EML1: variants seen among roughly 807,000 people sequenced by gnomAD.
EML1 encodes the protein EMAP like 1, also known as echinoderm microtubule-associated protein-like 1.
A neutral mutation model predicts 110.4 loss-of-function variants in EML1; 27 were observed. The observed-to-expected ratio is 0.24, with a 90% CI of 0.18 to 0.34. The LOEUF (loss-of-function observed/expected upper bound fraction) is 0.34, where lower values mean the gene tolerates loss of function less well. EML1 is among the 10% of genes least tolerant of loss of function. The probability of loss-of-function intolerance (pLI) is 1.00; values close to 1 mark genes in which losing one functional copy is unlikely to be tolerated. For synonymous variants in EML1, 344 were observed against 385.8 expected (o/e 0.89, Z 1.27); for missense variants, 741 against 1,030.9 (o/e 0.72, Z 3.85).
chr14:99,903,038 A>G (rs1389075828), intron 9 of EML1, among the ~76,000 whole-genome samples: 3 of 152,258 alleles, frequency 2.0e-5, no homozygotes, highest in Non-Finnish European at 4.4e-5. Flanking sequence ...CTATATTGCC[A>G]TAAATTAAGA....
intron 9 of EML1, chr14:99,907,399 T>G: frequency 2.2e-6 from 1 of 463,606 alleles, no homozygotes; most frequent in Non-Finnish European, 3.8e-6. Context: ...GCCTGGGAGG[T>G]CAAGGGTGCA....
intron 17 of EML1, among the ~76,000 whole-genome samples, chr14:99,923,506 C>T (rs2060166047): frequency 1.8e-5 from 1 of 54,358 alleles, no homozygotes; most frequent in Non-Finnish European, 2.9e-5. Context: ...GTTTGCTCTG[C>T]ATAGAGGTAT....
intron 1 of EML1, among the ~76,000 whole-genome samples, chr14:99,754,777 G>A (rs552933234): frequency 2.0e-5 from 3 of 152,148 alleles, no homozygotes; most frequent in Non-Finnish European, 4.4e-5. Flanking sequence ...TATAACGTGG[G>A]ATGAGGACTA....
chr14:99,773,017 A>G (rs1372826845), exon 1 of EML1: 1 of 152,158 alleles, frequency 6.6e-6, no homozygotes, highest in Non-Finnish European at 1.5e-5. Context: ...ATCCCCACAG[A>G]TAGGTTCCTA....
At chr14:99,812,254 A>T (rs1271572790) in intron 1 of EML1, among the ~76,000 whole-genome samples, 3 of 151,784 alleles carry the variant, frequency 2.0e-5, no homozygotes, top group African/African-American at 7.2e-5. Context: ...GGGAGGCCTG[A>T]CTGTGCATGC....
chr14:99,936,211 G>C lies in EML1; in HGVS notation c.2008-36G>C, dbSNP rs748530856. 2 of 1,613,044 alleles carry C rather than the reference G, an allele frequency of 1.2e-6. No individual in the cohort carries two copies. The highest frequency in any genetic ancestry group is 1.7e-6 in the Non-Finnish European group (2 of 1,179,074). Reference sequence around the variant, plus strand: ...GAACAGTGTTGGCAGGGACTTCTAAGGCCAATGAAATGAAGACAGTGTTTT... The same window carrying C: ...GAACAGTGTTGGCAGGGACTTCTAACGCCAATGAAATGAAGACAGTGTTTT... On this transcript the variant is annotated intron_variant, in intron 18 of 21. Coordinates refer to ENST00000262233, the MANE Select transcript of EML1 (RefSeq NM_004434.3). This position sits in a 1 kb window ranked among gnomAD's most constrained non-coding sequence, Gnocchi z 5.5.
Position 99,907,750 on chromosome 14 carries a change from T to G in EML1, c.1104+17T>G. On this transcript the variant is annotated intron_variant, in intron 10 of 21. Coordinates refer to ENST00000262233, the MANE Select transcript of EML1 (RefSeq NM_004434.3). The stretch of plus-strand genomic sequence containing the variant: ...GATGTGAAGGTCATGCTCCAAGCCT[T>G]TTTTGGGCTGCATTAACATTTTCCC... 1 of 1,613,082 alleles carries G rather than the reference T, an allele frequency of 6.2e-7. No homozygotes were observed. The highest frequency in any genetic ancestry group is 8.5e-7 in the Non-Finnish European group (1 of 1,179,438).
chr14:99,889,380 A>G (rs901154814), intron 4 of EML1, among the ~76,000 whole-genome samples: 1 of 152,176 alleles, frequency 6.6e-6, no homozygotes, highest in Non-Finnish European at 1.5e-5. Context: ...TCCAGGCCTC[A>G]CACCAGGGCA....
chr14:99,785,017 G>A (rs2057583288), intron 1 of EML1, among the ~76,000 whole-genome samples: 3 of 152,172 alleles, frequency 2.0e-5, no homozygotes, highest in Admixed American at 2.0e-4. Flanking sequence ...AGTCTGCATG[G>A]TTAGGACTTC....
At chr14:99,797,307 C>A (rs1165447926) in intron 1 of EML1, among the ~76,000 whole-genome samples, 1 of 152,180 alleles carries the variant, frequency 6.6e-6, no homozygotes, top group East Asian at 1.9e-4. Context: ...AAATTATATT[C>A]CCTTGTGGAG....
intron 1 of EML1, among the ~76,000 whole-genome samples, chr14:99,846,775 C>G (rs1373106633): frequency 6.6e-6 from 1 of 152,160 alleles, no homozygotes; most frequent in Non-Finnish European, 1.5e-5. Flanking sequence ...AGTGAATCAT[C>G]TTTTATCCCT....
At position 99,904,639 on chromosome 14, in the gene EML1, A is replaced by G. The variant is rs571283861; in HGVS notation, c.1009-2999A>G. Among the ~76,000 whole-genome samples the G allele has an allele frequency of 3.9e-5, 6 of 152,328 alleles. No individual in the cohort carries two copies. The South Asian group carries it at 1.0e-3, about 26-fold the overall frequency. On this transcript the variant is annotated intron_variant, in intron 9 of 21. Transcript: ENST00000262233. ...TAAATACACAGACAGAAAATAAAGGACTCATTCCCTAAGCCAGGAATTGAA... is the reference window on the plus strand; with the variant it reads ...TAAATACACAGACAGAAAATAAAGGGCTCATTCCCTAAGCCAGGAATTGAA...
intron 10 of EML1, among the ~76,000 whole-genome samples, chr14:99,909,012 C>G (rs774257816): frequency 3.9e-5 from 6 of 152,222 alleles, no homozygotes; most frequent in Non-Finnish European, 5.9e-5. Context: ...TGAAGTCCCT[C>G]TGGTCCCAAC....
intron 2 of EML1, among the ~76,000 whole-genome samples, chr14:99,854,512 G>T (rs374568479): frequency 1.3e-5 from 2 of 152,320 alleles, no homozygotes; most frequent in South Asian, 4.1e-4. Flanking sequence ...TGTCCCTGCG[G>T]TTGGCCTGCT....
rs1173233307 is a variant in EML1 at position 99,739,072 on chromosome 14, G to GTGTGTGTGTA, written c.28+1221_28+1222insATGTGTGTGT. Among the ~76,000 whole-genome samples the GTGTGTGTGTA allele has an allele frequency of 6.0e-3, 738 of 122,932 alleles. 12 individuals carry two copies. The highest frequency in any genetic ancestry group is 0.026 in the African/African-American group (696 of 26,546). 80.6% of individuals were successfully genotyped at this position (122,932 alleles called of 152,430 possible). On this transcript the variant is annotated intron_variant, in intron 1 of 10. Transcript: ENST00000554479. ...AGCAAGTGAGAGTGTGAGAGTGTGT[G>GTGTGTGTGTA]TGTGTGTGTGTGTGTGTGTGAGAGA... is the stretch of plus-strand genomic sequence containing the variant.
chr14:99,841,145 G>T (rs987516843), intron 1 of EML1, among the ~76,000 whole-genome samples: 1 of 152,192 alleles, frequency 6.6e-6, no homozygotes, highest in African/African-American at 2.4e-5. Context: ...AAGTGGGAGG[G>T]CTCGTGTGGC....
intron 4 of EML1, among the ~76,000 whole-genome samples, chr14:99,889,107 C>T (rs2059537701): frequency 6.6e-6 from 1 of 152,182 alleles, no homozygotes; most frequent in Non-Finnish European, 1.5e-5. Flanking sequence ...CAGGCAGCAG[C>T]TGGCCACCCC....
chr14:99,800,443 C>A (rs1006103232), intron 1 of EML1, among the ~76,000 whole-genome samples: 1 of 151,958 alleles, frequency 6.6e-6, no homozygotes, highest in African/African-American at 2.4e-5. Context: ...GGCTCACTGA[C>A]CTCGAACCCT....
chr14:99,747,285 C>T (rs1595230975), intron 1 of EML1, among the ~76,000 whole-genome samples: 1 of 151,500 alleles, frequency 6.6e-6, no homozygotes, highest in Non-Finnish European at 1.5e-5. Context: ...ATAGAAATGG[C>T]GAGGAGGGCA....
Sources: gnomAD v4.1 joint callset for allele counts (sites outside exome capture counted in the v4.1 genomes callset) on GRCh38, gnomAD v4.1.1 for gene constraint, Gnocchi (gnomAD v3.1) non-coding constraint, MANE v1.5 for transcripts, NCBI Gene and HGNC (gene_info 2026-07-23, HGNC 2026-07-21) for gene names.